REPS2: variants seen among roughly 807,000 people sequenced by gnomAD.
The protein encoded by REPS2 is ralBP1-associated Eps domain-containing protein 2.
REPS2 carries 23 observed loss-of-function variants against 53.6 expected under a neutral mutation model. That is an observed-to-expected ratio of 0.43 (90% CI 0.31 to 0.61). The LOEUF (loss-of-function observed/expected upper bound fraction) is 0.61, where lower values mean the gene tolerates loss of function less well. REPS2 is among the 20% of genes least tolerant of loss of function. The pLI, the probability that REPS2 is intolerant of heterozygous loss-of-function variation, is 0.11. For missense variants in REPS2, 446 were observed against 534.9 expected (o/e 0.83, Z 1.64); for synonymous variants, 238 against 218.6 (o/e 1.09, Z -0.78).
At position 17,006,307 on chromosome X, in the gene REPS2, A is replaced by G. The variant is rs888986513; in HGVS notation, c.360A>G (p.Gln120=). ...CCCTGAAATTAATTGCTGCAGCACA[A>G]TCTGGCCTCCCGGTACGGATAGAGA... ...YIALKLIAAA[Q]SGLPVRIESI... Residue 120 remains glutamine, a synonymous_variant, in exon 2 of 18, where the codon CAA becomes CAG. Coordinates refer to ENST00000357277, the MANE Select transcript of REPS2 (RefSeq NM_004726.3). 1.3e-5 allele frequency: 16 copies of G among 1,210,381 alleles called. No homozygotes were observed. The highest frequency in any genetic ancestry group is 3.0e-5 in the East Asian group (1 of 33,840).
At chrX:17,020,538 C>T (rs759432771) in intron 2 of REPS2, among the ~76,000 whole-genome samples, 64 of 111,032 alleles carry the variant, frequency 5.8e-4, no homozygotes, top group African/African-American at 1.9e-3. Flanking sequence ...GAGAGCTGCC[C>T]GAGATTGGGA....
chrX:16,999,843 G>A (rs975658882), intron 1 of REPS2, among the ~76,000 whole-genome samples: 3 of 107,283 alleles, frequency 2.8e-5, no homozygotes, highest in Non-Finnish European at 3.9e-5. Flanking sequence ...TCAGGAGATC[G>A]AGACCATCCC....
At chrX:17,003,118 G>T (rs2061325932) in intron 1 of REPS2, among the ~76,000 whole-genome samples, 1 of 111,703 alleles carries the variant, frequency 9.0e-6, no homozygotes. Flanking sequence ...CTCGCTTTCT[G>T]CTGGGCACTT....
At chrX:17,184,593 G>C in the REPS2 span, among the ~76,000 whole-genome samples, 1 of 109,515 alleles carries the variant, frequency 9.1e-6, no homozygotes, top group Admixed American at 9.7e-5. Flanking sequence ...AGATCCCTGA[G>C]GAATCGCCAC....
At chrX:16,987,593 A>C (rs1051781930) in intron 1 of REPS2, among the ~76,000 whole-genome samples, 5 of 112,119 alleles carry the variant, frequency 4.5e-5, no homozygotes, top group Non-Finnish European at 9.4e-5. Context: ...GAGTTCAGTA[A>C]ACTTTTTCTG....
chrX:17,057,704 G>A (rs1285994840), intron 8 of REPS2, among the ~76,000 whole-genome samples: 5 of 112,032 alleles, frequency 4.5e-5, no homozygotes, highest in African/African-American at 9.8e-5. Flanking sequence ...TCTCTCCCTC[G>A]TCTTGTCTTG....
intron 1 of REPS2, among the ~76,000 whole-genome samples, chrX:16,979,413 A>T (rs1161370146): frequency 8.9e-6 from 1 of 112,025 alleles, no homozygotes; most frequent in Non-Finnish European, 1.9e-5. Flanking sequence ...AAATCTGAGA[A>T]CAATCTCAAG....
chrX:17,012,422 C>A, intron 2 of REPS2, among the ~76,000 whole-genome samples: 1 of 108,327 alleles, frequency 9.2e-6, no homozygotes, highest in Non-Finnish European at 1.9e-5. Context: ...ACAAACAAAA[C>A]CCTAATGTGA....
At chrX:17,018,332 G>T (rs1422340026) in intron 2 of REPS2, among the ~76,000 whole-genome samples, 1 of 107,990 alleles carries the variant, frequency 9.3e-6, no homozygotes, top group Non-Finnish European at 1.9e-5. Flanking sequence ...GATTACAGGC[G>T]CATGCACCAC....
the REPS2 span, among the ~76,000 whole-genome samples, chrX:17,193,915 G>A: frequency 9.0e-6 from 1 of 111,512 alleles, no homozygotes; most frequent in African/African-American, 3.3e-5. Flanking sequence ...TCATTTTACT[G>A]TACATTTCCT....
intron 1 of REPS2, among the ~76,000 whole-genome samples, chrX:16,999,348 T>A (rs2061270342): frequency 9.0e-6 from 1 of 110,581 alleles, no homozygotes; most frequent in African/African-American, 3.3e-5. Flanking sequence ...GATTTTTTGC[T>A]TCCACTAGTG....
At chrX:17,061,265 GTATT>G (rs1439174658) in intron 8 of REPS2, among the ~76,000 whole-genome samples, 1 of 112,076 alleles carries the variant, frequency 8.9e-6, no homozygotes, top group East Asian at 2.8e-4. Flanking sequence ...ATGCATGTAT[GTATT>G]TATTTAAATT....
intron 1 of REPS2, among the ~76,000 whole-genome samples, chrX:16,968,287 C>G (rs2060803148): frequency 9.0e-6 from 1 of 110,746 alleles, no homozygotes; most frequent in South Asian, 3.8e-4. Flanking sequence ...ATCTTTTCCC[C>G]ACCTTTCCCC....
chrX:17,140,735 ATATTATTATTATTATTAT>A (rs199967140), intron 17 of REPS2, among the ~76,000 whole-genome samples: 1,916 of 89,625 alleles, frequency 0.021, 45 homozygotes, highest in African/African-American at 0.074. Context: ...GCATGCACAA[ATATTATTATTATTATTAT>A]TATTATTATT....
intron 2 of REPS2, among the ~76,000 whole-genome samples, chrX:17,012,454 T>G (rs1029358898): frequency 8.9e-6 from 1 of 111,993 alleles, no homozygotes; most frequent in Non-Finnish European, 1.9e-5. Context: ...GTTACCGGTA[T>G]TGCTAGTGAT....
At chrX:17,168,107 C>T in the REPS2 span, among the ~76,000 whole-genome samples, 6 of 112,003 alleles carry the variant, frequency 5.4e-5, no homozygotes, top group Non-Finnish European at 9.4e-5. Context: ...CACCTCAAGT[C>T]GGCACATGTA....
the REPS2 span, among the ~76,000 whole-genome samples, chrX:17,166,125 G>C: frequency 1.8e-5 from 2 of 111,135 alleles, no homozygotes; most frequent in Non-Finnish European, 3.8e-5. Context: ...TTCTCTCGCC[G>C]CTGACCTGTG....
chrX:17,140,946 A>G (rs944824372), intron 17 of REPS2, among the ~76,000 whole-genome samples: 2 of 109,738 alleles, frequency 1.8e-5, no homozygotes, highest in African/African-American at 6.6e-5. Context: ...AACTTTTTGT[A>G]TTTTTAGTAG....
chrX:16,949,069 T>TTGGTGGTGGTGGTGGTGGTGG (rs3083679), intron 1 of REPS2, among the ~76,000 whole-genome samples: 3 of 104,036 alleles, frequency 2.9e-5, no homozygotes, highest in Non-Finnish European at 3.9e-5. Context: ...ACCCATCACT[T>TTGGTGGTGGTGGTGGTGGTGG]TGGTGGTGGT....
Sources: allele counts gnomAD v4.1 joint callset (sites outside exome capture counted in the v4.1 genomes callset), GRCh38; gene constraint gnomAD v4.1.1; transcripts MANE v1.5; gene names NCBI Gene and HGNC (gene_info 2026-07-23, HGNC 2026-07-21).